DMD: variants seen among roughly 807,000 people sequenced by gnomAD.
DMD encodes dystrophin.
In DMD, 63 loss-of-function variants were observed where a neutral mutation model predicts 330.1. That is an observed-to-expected ratio of 0.19 (90% CI 0.16 to 0.24). The LOEUF (loss-of-function observed/expected upper bound fraction) is 0.24. DMD is among the 10% of genes least tolerant of loss of function. DMD has a pLI of 1.00. For missense variants in DMD, 3,344 were observed against 2,684.1 expected (o/e 1.25, Z -5.43); for synonymous variants, 1,223 against 959.8 (o/e 1.27, Z -5.07).
chrX:31,665,209 T>G (rs1342396279), intron 53 of DMD, among the ~76,000 whole-genome samples: 1 of 112,018 alleles, frequency 8.9e-6, no homozygotes, highest in African/African-American at 3.2e-5. Context: ...TTATTTTAAC[T>G]GAGCTTTGAA....
rs1046808126 is a variant in DMD, at chrX:32,510,618, G to A, written c.2292+7390C>T. Reference sequence around the variant, plus strand: ...ATAATAAGGCGAGCTCTATTTTAGCGTAACGCGTCCATATACAATATTATG... The same window carrying A: ...ATAATAAGGCGAGCTCTATTTTAGCATAACGCGTCCATATACAATATTATG... On this transcript the variant is annotated intron_variant, in intron 18 of 78. Transcript: ENST00000357033. Among the ~76,000 whole-genome samples the A allele has an allele frequency of 4.5e-5, 5 of 111,253 alleles. No individual in the cohort carries two copies. The East Asian group carries it at 1.1e-3, about 25-fold the overall frequency.
chrX:32,390,146 A>G lies in DMD; in HGVS notation c.4269T>C (p.Ser1423=). The G allele has an allele frequency of 8.3e-7, 1 of 1,208,899 alleles. No homozygotes were observed. Among genetic ancestry groups the G allele is most frequent in the Non-Finnish European group, 1.1e-6 (1 of 893,070 alleles). ...GATTATGTTTCTTCATTTCTTCTAA[A>G]CTGATCTCATGACTTGTCAAATCAG... ...IQSDLTSHEI[S]LEEMKKHNQG... Residue 1423 remains serine (S), a synonymous_variant, in exon 31 of 79, where the codon AGT becomes AGC. Transcript: ENST00000357033.
chrX:32,400,031 G>C (rs12390474), intron 30 of DMD, among the ~76,000 whole-genome samples: 2,715 of 111,180 alleles, frequency 0.024, 76 homozygotes, highest in African/African-American at 0.082. Context: ...TCCCTGTCTT[G>C]TGCCAGTTTT....
At chrX:31,360,232 T>A (rs2058865298) in intron 60 of DMD, among the ~76,000 whole-genome samples, 1 of 111,740 alleles carries the variant, frequency 8.9e-6, no homozygotes, top group Admixed American at 9.5e-5. Context: ...CAAATATTTT[T>A]TTAATAATTA....
intron 7 of DMD, among the ~76,000 whole-genome samples, chrX:32,788,070 A>G (rs1443403212): frequency 9.0e-6 from 1 of 111,583 alleles, no homozygotes; most frequent in Non-Finnish European, 1.9e-5. Context: ...AAAACTAATA[A>G]AGGCAAAAAT....
Position 31,496,899 on chromosome X carries a change from A to G in DMD, c.8436T>C (p.Leu2812=), listed in dbSNP as rs139365076. 116 of 1,209,738 alleles carry G rather than the reference A, an allele frequency of 9.6e-5. No individual in the cohort carries two copies. The African/African-American group carries it at 1.8e-3, about 19-fold the overall frequency. The change falls in exon 57 of 79, where the codon CTT becomes CTC. Residue 2812 remains leucine (L), a synonymous_variant. Transcript: ENST00000357033. ...GCCACACCAGAAGTTCCTGCAGAGA[A>G]AGGTGCAGACGCTTCCACTGGTCAG... ...ASSDQWKRLH[L]SLQELLVWLQ... is the part of the protein sequence containing the mutation.
intron 9 of DMD, among the ~76,000 whole-genome samples, chrX:32,662,618 G>A (rs1311413516): frequency 9.0e-6 from 1 of 111,539 alleles, no homozygotes; most frequent in African/African-American, 3.3e-5. Context: ...TTCTTCCACT[G>A]CCCTACAACA....
chrX:33,051,168 T>C (rs1452538894), intron 1 of DMD, among the ~76,000 whole-genome samples: 1 of 110,838 alleles, frequency 9.0e-6, no homozygotes, highest in African/African-American at 3.3e-5. Context: ...ACACACACTT[T>C]TTTAGCAGAT....
chrX:32,348,129 C>T (rs192799355), intron 38 of DMD, among the ~76,000 whole-genome samples: 2 of 110,202 alleles, frequency 1.8e-5, no homozygotes, highest in East Asian at 5.7e-4. Context: ...CTCTTTTTTC[C>T]AATTACATTT....
At chrX:32,964,255 C>CAAAAAAAAAAAAAAAA (rs781702491) in intron 2 of DMD, among the ~76,000 whole-genome samples, 813 of 35,052 alleles carry the variant, frequency 0.023, 39 homozygotes, top group Middle Eastern at 0.04. Context: ...GACTCCATCT[C>CAAAAAAAAAAAAAAAA]AAAAAAAAAA....
chrX:32,216,057 T>A (rs1481780182), intron 44 of DMD, among the ~76,000 whole-genome samples: 1 of 112,189 alleles, frequency 8.9e-6, no homozygotes, highest in Non-Finnish European at 1.9e-5. Context: ...ATATCTAAAG[T>A]ATTTAATAAA....
intron 47 of DMD, among the ~76,000 whole-genome samples, chrX:31,927,940 C>G (rs1331922401): frequency 9.0e-6 from 1 of 111,728 alleles, no homozygotes; most frequent in Admixed American, 9.5e-5. Context: ...CAATATAGTT[C>G]TAAAATTTAT....
chrX:31,429,239 G>A (rs1196359765), intron 60 of DMD, among the ~76,000 whole-genome samples: 2 of 111,959 alleles, frequency 1.8e-5, no homozygotes, highest in Admixed American at 9.5e-5. Flanking sequence ...AGAACTTACT[G>A]GCTAAAAATA....
chrX:31,352,643 G>A (rs999964747), intron 60 of DMD, among the ~76,000 whole-genome samples: 2 of 111,994 alleles, frequency 1.8e-5, no homozygotes, highest in African/African-American at 6.5e-5. Flanking sequence ...AGATCAAAGT[G>A]AATTTCCATC....
At chrX:32,786,086 A>AGTGTGTGTGTGTGTGTGTGT (rs368269067) in intron 7 of DMD, among the ~76,000 whole-genome samples, 47 of 96,563 alleles carry the variant, frequency 4.9e-4, no homozygotes, top group African/African-American at 1.6e-3. Flanking sequence ...GAGGAATAAG[A>AGTGTGTGTGTGTGTGTGTGT]GTGTGTGTGT....
intron 1 of DMD, among the ~76,000 whole-genome samples, chrX:33,202,734 A>G (rs775874486): frequency 4.5e-5 from 5 of 111,829 alleles, no homozygotes; most frequent in African/African-American, 1.3e-4. Flanking sequence ...CACACTATTC[A>G]TAAGTAATCA....
At chrX:32,070,170 G>A (rs958256927) in intron 44 of DMD, among the ~76,000 whole-genome samples, 2 of 110,740 alleles carry the variant, frequency 1.8e-5, no homozygotes, top group African/African-American at 3.3e-5. Context: ...CAGGCCAATC[G>A]GATGGCTAGG....
At chrX:31,209,885 G>C (rs2044477128) in intron 64 of DMD, among the ~76,000 whole-genome samples, 186 bp from the exon 65 acceptor site, 1 of 111,633 alleles carries the variant, frequency 9.0e-6, no homozygotes, top group Non-Finnish European at 1.9e-5. Context: ...AGTTTGATCA[G>C]TATTCAGGAT....
intron 61 of DMD, among the ~76,000 whole-genome samples, chrX:31,341,599 A>G (rs781688220): frequency 9.0e-6 from 1 of 111,160 alleles, no homozygotes; most frequent in Non-Finnish European, 1.9e-5. Flanking sequence ...CGAGAGAATA[A>G]TCGTTGGCAA....
Sources: gnomAD v4.1 joint callset for allele counts (sites outside exome capture counted in the v4.1 genomes callset) on GRCh38, gnomAD v4.1.1 for gene constraint, MANE v1.5 for transcripts, NCBI Gene and HGNC (gene_info 2026-07-23, HGNC 2026-07-21) for gene names.